DACH1: variants seen among roughly 807,000 people sequenced by gnomAD.
DACH1 encodes the protein dachshund homolog 1.
Under a neutral mutation model 54.2 loss-of-function variants are expected in DACH1, and 12 were observed. That is an observed-to-expected ratio of 0.22 (90% confidence interval 0.14 to 0.36). The LOEUF (loss-of-function observed/expected upper bound fraction) is 0.36, where lower values mean the gene tolerates loss of function less well. Ranked by LOEUF, DACH1 falls within the 10% of genes least tolerant of loss-of-function variation. The pLI is 1.00. For missense variants in DACH1, 805 were observed against 929.8 expected (o/e 0.87, Z 1.75); for synonymous variants, 386 against 366.2 (o/e 1.05, Z -0.62).
chr13:71,671,072 G>A (rs1880177983), intron 2 of DACH1, among the ~76,000 whole-genome samples: 1 of 151,864 alleles, frequency 6.6e-6, no homozygotes, highest in South Asian at 2.1e-4. Context: ...TTATGTCATT[G>A]TTTTATCATT....
chr13:71,736,353 A>C (rs1226754753), intron 1 of DACH1, among the ~76,000 whole-genome samples: 6 of 152,216 alleles, frequency 3.9e-5, no homozygotes, highest in Non-Finnish European at 8.8e-5. Context: ...CCTTCACTAA[A>C]GTACTAAAGC....
intron 3 of DACH1, among the ~76,000 whole-genome samples, chr13:71,577,168 T>C (rs992079858): frequency 6.6e-6 from 1 of 152,138 alleles, no homozygotes; most frequent in African/African-American, 2.4e-5. Flanking sequence ...GTGTAAGTCC[T>C]CTTGTTCTGA....
At chr13:71,814,036 A>G (rs1303706614) in intron 1 of DACH1, among the ~76,000 whole-genome samples, 1 of 152,184 alleles carries the variant, frequency 6.6e-6, no homozygotes, top group Non-Finnish European at 1.5e-5. Context: ...AAGTAATCAA[A>G]CAAATTGATT....
At chr13:71,656,594 C>A (rs371419610) in intron 2 of DACH1, among the ~76,000 whole-genome samples, 1 of 151,834 alleles carries the variant, frequency 6.6e-6, no homozygotes, top group African/African-American at 2.4e-5. Context: ...AACATTTTTA[C>A]TACTTTATTT....
chr13:71,637,672 T>A (rs758196315), intron 2 of DACH1, among the ~76,000 whole-genome samples: 1 of 152,212 alleles, frequency 6.6e-6, no homozygotes, highest in African/African-American at 2.4e-5. Context: ...TTCTTTCACT[T>A]TTTAAAGATA....
chr13:71,520,823 G>C (rs913103443), intron 6 of DACH1, among the ~76,000 whole-genome samples: 4 of 151,840 alleles, frequency 2.6e-5, no homozygotes, highest in African/African-American at 4.8e-5. Context: ...TATTAACATA[G>C]TGTTAATTCC....
chr13:71,756,997 CTG>C (rs943419290), intron 1 of DACH1, among the ~76,000 whole-genome samples: 1 of 152,106 alleles, frequency 6.6e-6, no homozygotes, highest in African/African-American at 2.4e-5. Context: ...TATACTGTGA[CTG>C]TTTGATTTTT....
At chr13:71,617,068 C>A (rs1180103315) in intron 3 of DACH1, among the ~76,000 whole-genome samples, 4 of 151,910 alleles carry the variant, frequency 2.6e-5, no homozygotes, top group African/African-American at 9.7e-5. Flanking sequence ...AGGGTTTCAC[C>A]ATGCTGGCCA....
intron 7 of DACH1, among the ~76,000 whole-genome samples, chr13:71,484,305 C>T (rs1878298516): frequency 1.3e-5 from 2 of 152,108 alleles, no homozygotes; most frequent in Admixed American, 1.3e-4. Context: ...ATAGCTGGGA[C>T]TGTGGGCATG....
chr13:71,854,257 A>T (rs1873854810), intron 1 of DACH1, among the ~76,000 whole-genome samples: 2 of 152,138 alleles, frequency 1.3e-5, no homozygotes, highest in African/African-American at 2.4e-5. Flanking sequence ...CTAGATGTTT[A>T]TAGGTAAATT....
At chr13:71,468,614 T>G (rs1180481471) in intron 10 of DACH1, among the ~76,000 whole-genome samples, 1 of 152,210 alleles carries the variant, frequency 6.6e-6, no homozygotes, top group Non-Finnish European at 1.5e-5. Flanking sequence ...TGTTAAAGTA[T>G]GAAAGTCTTG....
At chr13:71,755,363 A>G (rs995925832) in intron 1 of DACH1, among the ~76,000 whole-genome samples, 1 of 152,212 alleles carries the variant, frequency 6.6e-6, no homozygotes, top group Non-Finnish European at 1.5e-5. Flanking sequence ...ATGAAAAGCT[A>G]TTTTCACAGA....
At chr13:71,606,827 G>A (rs74574052) in intron 3 of DACH1, among the ~76,000 whole-genome samples, 15,295 of 151,988 alleles carry the variant, frequency 0.1, 1,528 homozygotes, top group East Asian at 0.44. Flanking sequence ...TCTAGTGAAA[G>A]GTAGCAAAAG....
In DACH1 at chr13:71,735,077, T is replaced by C. The variant is rs200298822; in HGVS notation, c.849-53167A>G. On this transcript the variant is annotated intron_variant, in intron 1 of 10. Coordinates refer to ENST00000613252, the MANE Select transcript of DACH1 (RefSeq NM_080759.6). ...ATGGGTGATACATATATATGGGATA[T>C]ACGTATATGGGTTATACATATATGG... 5.1e-3 allele frequency among the ~76,000 whole-genome samples: 179 copies of C among 34,952 alleles called. 1 individual carries two copies. Among genetic ancestry groups the C allele is most frequent in the Middle Eastern group, 0.033 (2 of 60 alleles). The allele number at this position is 34,952 out of a possible 152,430, so 22.9% of individuals were successfully genotyped here.
chr13:71,704,742 C>CA (rs1882346767), intron 1 of DACH1: 1 of 163,074 alleles, frequency 6.1e-6, no homozygotes, highest in South Asian at 1.8e-4. Flanking sequence ...CCCCTCCCCC[C>CA]AAGAAATATT....
chr13:71,535,351 T>C (rs919807624), intron 6 of DACH1, among the ~76,000 whole-genome samples: 2 of 151,896 alleles, frequency 1.3e-5, no homozygotes, highest in Admixed American at 6.6e-5. Flanking sequence ...TTTTAGCATG[T>C]ATAAGAATTT....
intron 6 of DACH1, among the ~76,000 whole-genome samples, chr13:71,516,750 CTGG>C (rs1881189049): frequency 6.6e-6 from 1 of 151,816 alleles, no homozygotes; most frequent in Non-Finnish European, 1.5e-5. Flanking sequence ...CTTGTAACAG[CTGG>C]TGTTACATTA....
At chr13:71,615,504 T>C (rs1341152889) in intron 3 of DACH1, among the ~76,000 whole-genome samples, 2 of 152,190 alleles carry the variant, frequency 1.3e-5, no homozygotes, top group Non-Finnish European at 2.9e-5. Flanking sequence ...TGGCTGATTA[T>C]TGATTTATTT....
intron 10 of DACH1, among the ~76,000 whole-genome samples, chr13:71,456,196 A>G (rs537606741): frequency 6.0e-4 from 91 of 152,274 alleles, no homozygotes; most frequent in South Asian, 2.1e-3. Flanking sequence ...TCTTTAATAT[A>G]ATTTCAAAAA....
Sources: allele counts gnomAD v4.1 joint callset (sites outside exome capture counted in the v4.1 genomes callset), GRCh38; gene constraint gnomAD v4.1.1; transcripts MANE v1.5; gene names NCBI Gene and HGNC (gene_info 2026-07-23, HGNC 2026-07-21).